Variants in MYO16 observed in about 807,000 individuals in gnomAD.
MYO16 encodes unconventional myosin-XVI.
In MYO16, 94 loss-of-function variants were observed where a neutral mutation model predicts 205.3. The ratio of observed to expected loss-of-function variants is 0.46; its 90% CI spans 0.39 to 0.54. The LOEUF (loss-of-function observed/expected upper bound fraction) is 0.54. MYO16 is among the 20% of genes least tolerant of loss of function. The pLI is 0.00. For missense variants in MYO16, 2,315 were observed against 2,387.5 expected (o/e 0.97, Z 0.63); for synonymous variants, 988 against 954.0 (o/e 1.04, Z -0.66).
the MYO16 span, among the ~76,000 whole-genome samples, chr13:108,522,067 C>A: frequency 6.6e-6 from 1 of 152,044 alleles, no homozygotes; most frequent in Non-Finnish European, 1.5e-5. Context: ...AATGTGAAAA[C>A]AAATTGAAGG....
At chr13:108,987,383 C>T (rs1420088055) in intron 20 of MYO16, among the ~76,000 whole-genome samples, 1 of 152,156 alleles carries the variant, frequency 6.6e-6, no homozygotes, top group Non-Finnish European at 1.5e-5. Context: ...CCCACTTCTT[C>T]CCCCCAAGTT....
At chr13:108,814,307 G>A (rs921647641) in intron 7 of MYO16, among the ~76,000 whole-genome samples, 11 of 152,086 alleles carry the variant, frequency 7.2e-5, no homozygotes, top group Non-Finnish European at 2.9e-5. Flanking sequence ...GGAAAACAAA[G>A]GCAATCTTAA....
chr13:108,563,960 A>G, the MYO16 span, among the ~76,000 whole-genome samples: 1 of 152,122 alleles, frequency 6.6e-6, no homozygotes, highest in African/African-American at 2.4e-5. Flanking sequence ...ATTCCCACCA[A>G]CAGTGTACTA....
At chr13:108,790,005 G>A (rs1358370861) in intron 5 of MYO16, among the ~76,000 whole-genome samples, 1 of 152,084 alleles carries the variant, frequency 6.6e-6, no homozygotes, top group Non-Finnish European at 1.5e-5. Context: ...CTGAAGGTGA[G>A]GGGCTGGGTT....
intron 16 of MYO16, among the ~76,000 whole-genome samples, chr13:108,930,245 T>C (rs1882196557): frequency 6.6e-6 from 1 of 152,226 alleles, no homozygotes; most frequent in African/African-American, 2.4e-5. Flanking sequence ...TCAGTGTTGC[T>C]ATTTTCACAC....
intron 34 of MYO16, among the ~76,000 whole-genome samples, chr13:109,186,516 C>T (rs1490775120): frequency 6.6e-6 from 1 of 152,100 alleles, no homozygotes; most frequent in Non-Finnish European, 1.5e-5. Flanking sequence ...ATATGCAGGT[C>T]ATATTGTAGT....
chr13:109,116,912 G>A (rs1391592456), intron 28 of MYO16, among the ~76,000 whole-genome samples: 1 of 152,142 alleles, frequency 6.6e-6, no homozygotes, highest in African/African-American at 2.4e-5. Context: ...GTCCCCTGGT[G>A]GGTTTTTGAT....
chr13:108,593,677 C>G (rs556480522), upstream of MYO16, among the ~76,000 whole-genome samples: 1 of 152,090 alleles, frequency 6.6e-6, no homozygotes, highest in South Asian at 2.1e-4. Flanking sequence ...TACATTTAGC[C>G]CCAGGCTCTG....
chr13:108,895,598 C>G (rs558658046), intron 14 of MYO16, among the ~76,000 whole-genome samples: 122 of 152,312 alleles, frequency 8.0e-4, no homozygotes, highest in Non-Finnish European at 1.2e-3. Context: ...GCAGTAATTA[C>G]TGCATAGTGC....
At chr13:108,780,462 AAG>A (rs1331539709) in intron 4 of MYO16, among the ~76,000 whole-genome samples, 1 of 151,478 alleles carries the variant, frequency 6.6e-6, no homozygotes, top group African/African-American at 2.4e-5. Context: ...AAGAAAAAGA[AAG>A]AGAGGAAGGA....
At chr13:108,897,536 AAG>A (rs1287039029) in intron 14 of MYO16, among the ~76,000 whole-genome samples, 1 of 152,194 alleles carries the variant, frequency 6.6e-6, no homozygotes, top group African/African-American at 2.4e-5. Context: ...AGGGTTGAAA[AAG>A]AGTATGAGTG....
At chr13:108,732,766 G>A (rs759895921) in intron 4 of MYO16, among the ~76,000 whole-genome samples, 1 of 152,222 alleles carries the variant, frequency 6.6e-6, no homozygotes, top group Non-Finnish European at 1.5e-5. Flanking sequence ...CAACTGAGAA[G>A]AACAGGGAAC....
intron 1 of MYO16, among the ~76,000 whole-genome samples, chr13:108,600,404 G>A (rs1878720830): frequency 6.6e-6 from 1 of 152,138 alleles, no homozygotes; most frequent in South Asian, 2.1e-4. Context: ...ATGCATCAAA[G>A]GTGCTTAGCA....
At chr13:108,701,572 T>C (rs1342912579) in intron 2 of MYO16, among the ~76,000 whole-genome samples, 1 of 152,144 alleles carries the variant, frequency 6.6e-6, no homozygotes, top group Non-Finnish European at 1.5e-5. Flanking sequence ...ACTACCATTT[T>C]TAAAAATAAA....
chr13:108,589,758 C>T, the MYO16 span, among the ~76,000 whole-genome samples: 2 of 152,066 alleles, frequency 1.3e-5, no homozygotes, highest in African/African-American at 4.8e-5. Flanking sequence ...AATTTAGAGA[C>T]CATTAGCAAA....
At chr13:108,499,325 T>TG in the MYO16 span, among the ~76,000 whole-genome samples, 1 of 152,256 alleles carries the variant, frequency 6.6e-6, no homozygotes, top group African/African-American at 2.4e-5. Flanking sequence ...TGGCGAGGTG[T>TG]GCTCCTTGGG....
In MYO16 at chr13:109,207,185, C is replaced by G; in HGVS notation, c.*349C>G. ...AGGAGCAATCCATGCACACTCTGTA[C>G]AGTTGTTTTTCTACGGTTCAACAGT... On this transcript the variant is annotated 3_prime_UTR_variant, in exon 35 of 35. Transcript: ENST00000457511. 4.2e-6 allele frequency: 1 copy of G among 237,754 alleles called. No individual in the cohort carries two copies. Among genetic ancestry groups the G allele is most frequent in the Non-Finnish European group, 8.3e-6 (1 of 120,752 alleles). The allele number at this position is 237,754 out of a possible 1,614,324, so 14.7% of individuals were successfully genotyped here.
the MYO16 span, among the ~76,000 whole-genome samples, chr13:108,561,987 G>A: frequency 1.3e-5 from 2 of 152,128 alleles, no homozygotes; most frequent in African/African-American, 4.8e-5. Flanking sequence ...TTAAACCTTC[G>A]AATTTTACTT....
chr13:108,735,397 T>A (rs1315174064), intron 4 of MYO16, among the ~76,000 whole-genome samples: 1 of 151,228 alleles, frequency 6.6e-6, no homozygotes, highest in African/African-American at 2.4e-5. Context: ...TTGCTCAGAA[T>A]GATCATTTCC....
Sources: gnomAD v4.1 joint callset for allele counts (sites outside exome capture counted in the v4.1 genomes callset) on GRCh38, gnomAD v4.1.1 for gene constraint, MANE v1.5 for transcripts, NCBI Gene and HGNC (gene_info 2026-07-23, HGNC 2026-07-21) for gene names.